Variants in CDK19 observed in about 807,000 individuals in gnomAD.
The protein encoded by CDK19 is cyclin-dependent kinase 19.
CDK19 carries 20 observed loss-of-function variants against 68.3 expected under a neutral mutation model. That is an observed-to-expected ratio of 0.29 (90% CI 0.21 to 0.43). The LOEUF (loss-of-function observed/expected upper bound fraction) is 0.43, where lower values mean the gene tolerates loss of function less well. CDK19 is among the 20% of genes least tolerant of loss of function. The pLI is 1.00. For synonymous variants in CDK19, 221 were observed against 222.8 expected (o/e 0.99, Z 0.07); for missense variants, 339 against 623.5 (o/e 0.54, Z 4.86).
chr6:110,641,983 C>T (rs1356953351), intron 4 of CDK19, among the ~76,000 whole-genome samples: 2 of 152,136 alleles, frequency 1.3e-5, no homozygotes, highest in African/African-American at 4.8e-5. Context: ...AACTGGAAAA[C>T]AACTTTGGGA....
At chr6:110,770,471 G>C (rs1779938367) in intron 1 of CDK19, among the ~76,000 whole-genome samples, 1 of 152,196 alleles carries the variant, frequency 6.6e-6, no homozygotes, top group Non-Finnish European at 1.5e-5. Context: ...CACAAGAATA[G>C]TATGGGGGAA....
At chr6:110,770,339 C>A (rs1779923956) in intron 1 of CDK19, among the ~76,000 whole-genome samples, 1 of 152,076 alleles carries the variant, frequency 6.6e-6, no homozygotes, top group Non-Finnish European at 1.5e-5. Context: ...CTGGGGAGGC[C>A]TCAGAATCAT....
chr6:110,638,694 T>C lies in CDK19; in HGVS notation c.469A>G (p.Ile157Val). ...VLHRDLKPAN[I>V]LVMGEGPERG... ...TCAGGACCTTCTCCCATTACTAGGA[T>C]ATTTGCTGGTTTCTAGAAATAAAAA... The change falls in exon 5 of 13, where the codon ATC becomes GTC. Residue 157 changes from isoleucine (I) to valine (V), a missense_variant. Physicochemically the swap from Ile to Val is conservative, Grantham distance 29. Coordinates refer to ENST00000368911, the MANE Select transcript of CDK19 (RefSeq NM_015076.5). The C allele has an allele frequency of 1.3e-6, 2 of 1,541,534 alleles. No homozygotes were observed. The highest frequency in any genetic ancestry group is 9.0e-7 in the Non-Finnish European group (1 of 1,116,054).
chr6:110,737,388 G>T (rs79276005), intron 2 of CDK19, among the ~76,000 whole-genome samples: 2 of 152,310 alleles, frequency 1.3e-5, no homozygotes, highest in Non-Finnish European at 2.9e-5. Context: ...AATAATCGGT[G>T]TTTAAATCAC....
At chr6:110,656,835 CCTAA>C (rs766017078) in intron 4 of CDK19, among the ~76,000 whole-genome samples, 10 of 152,162 alleles carry the variant, frequency 6.6e-5, no homozygotes, top group Non-Finnish European at 1.3e-4. Flanking sequence ...AGGCTATTTA[CCTAA>C]CTAACTTAAA....
chr6:110,754,215 T>A (rs1386531985), intron 1 of CDK19, among the ~76,000 whole-genome samples: 1 of 151,356 alleles, frequency 6.6e-6, no homozygotes, highest in African/African-American at 2.4e-5. Flanking sequence ...TTTTTACTTT[T>A]TAAGACAGGG....
chr6:110,796,037 T>C (rs1190207456), intron 1 of CDK19, among the ~76,000 whole-genome samples: 2 of 152,052 alleles, frequency 1.3e-5, no homozygotes, highest in South Asian at 4.1e-4. Flanking sequence ...CACATAATTA[T>C]TCAAAAATAA....
chr6:110,764,601 C>A (rs868798256), intron 1 of CDK19, among the ~76,000 whole-genome samples: 1 of 152,138 alleles, frequency 6.6e-6, no homozygotes, highest in South Asian at 2.1e-4. Flanking sequence ...TTACACCCTG[C>A]ACAAAAATTA....
intron 5 of CDK19, among the ~76,000 whole-genome samples, chr6:110,633,422 A>G (rs1343089535): frequency 6.6e-6 from 1 of 152,236 alleles, no homozygotes; most frequent in Non-Finnish European, 1.5e-5. Context: ...AGTATCTACA[A>G]CATGGAAAAC....
At chr6:110,759,344 G>A (rs1200319377) in intron 1 of CDK19, among the ~76,000 whole-genome samples, 45 of 145,386 alleles carry the variant, frequency 3.1e-4, no homozygotes, top group African/African-American at 1.1e-3. Flanking sequence ...GGTGGAGCGT[G>A]CAGTGAGCCG....
intron 2 of CDK19, among the ~76,000 whole-genome samples, chr6:110,677,345 C>T (rs975641178): frequency 1.3e-5 from 2 of 150,988 alleles, no homozygotes; most frequent in African/African-American, 4.9e-5. Flanking sequence ...GGGTGGATCA[C>T]GAGGTCAGGA....
At chr6:110,735,094 A>T (rs1013343539) in intron 2 of CDK19, among the ~76,000 whole-genome samples, 2 of 150,868 alleles carry the variant, frequency 1.3e-5, no homozygotes, top group Admixed American at 1.3e-4. Context: ...AGTCCACAAA[A>T]TTTAATTTTT....
chr6:110,638,625 A>G (rs1562146093), intron 5 of CDK19, 24 bp downstream of exon 5: 2 of 1,224,452 alleles, frequency 1.6e-6, no homozygotes, highest in Admixed American at 3.5e-5. Context: ...TTTTAAATAA[A>G]TTATTTTAGG....
chr6:110,645,897 G>A (rs1484560432), intron 4 of CDK19: 14 of 803,934 alleles, frequency 1.7e-5, no homozygotes, highest in Non-Finnish European at 2.3e-5. Flanking sequence ...CGGCGACTCA[G>A]TCCTGCGAAC....
At chr6:110,798,699 G>A (rs1484461603) in intron 1 of CDK19, among the ~76,000 whole-genome samples, 1 of 144,158 alleles carries the variant, frequency 6.9e-6, no homozygotes, top group Non-Finnish European at 1.5e-5. Context: ...AAGACATGAA[G>A]CAATAGTTTT....
chr6:110,806,582 A>G (rs937978890), intron 1 of CDK19, among the ~76,000 whole-genome samples: 8 of 152,336 alleles, frequency 5.3e-5, no homozygotes, highest in African/African-American at 1.4e-4. Context: ...GACTGGAGAC[A>G]GCCAATGATG....
intron 1 of CDK19, among the ~76,000 whole-genome samples, chr6:110,768,706 T>C (rs1779762071): frequency 1.3e-5 from 2 of 152,132 alleles, no homozygotes; most frequent in African/African-American, 4.8e-5. Flanking sequence ...TCAGTGGTTG[T>C]CAGGGGCTTG....
chr6:110,776,533 C>G (rs1780409630), intron 1 of CDK19, among the ~76,000 whole-genome samples: 1 of 151,952 alleles, frequency 6.6e-6, no homozygotes, highest in Non-Finnish European at 1.5e-5. Flanking sequence ...TTGAGCTGGC[C>G]AAAAGAGCCT....
At chr6:110,693,037 A>G (rs1773149586) in intron 2 of CDK19, among the ~76,000 whole-genome samples, 1 of 152,194 alleles carries the variant, frequency 6.6e-6, no homozygotes, top group Non-Finnish European at 1.5e-5. Flanking sequence ...AAAGGGGTGA[A>G]AAAAGATATT....
Sources: gnomAD v4.1 joint callset for allele counts (sites outside exome capture counted in the v4.1 genomes callset) on GRCh38, gnomAD v4.1.1 for gene constraint, MANE v1.5 for transcripts, NCBI Gene and HGNC (gene_info 2026-07-23, HGNC 2026-07-21) for gene names.